The following TRPC4 variants were observed in gnomAD, a reference collection of about 807,000 sequenced individuals.
TRPC4 encodes transient receptor potential cation channel subfamily C member 4.
In TRPC4, 49 loss-of-function variants were observed where a neutral mutation model predicts 99.4. That is an observed-to-expected ratio of 0.49 (90% CI 0.39 to 0.63). TRPC4 has a LOEUF of 0.63. Among genes scored for constraint, TRPC4 ranks in the 20% least tolerant of loss-of-function variants. The probability of loss-of-function intolerance (pLI) is 0.00; values close to 1 mark genes in which losing one functional copy is unlikely to be tolerated. For missense variants in TRPC4, 898 were observed against 1,152.9 expected, an observed-to-expected ratio of 0.78 and a Z score of 3.20; for synonymous variants, 454 against 425.9, an observed-to-expected ratio of 1.07 and a Z score of -0.81.
chr13:37,836,955 A>T (rs1958582766), intron 1 of TRPC4, among the ~76,000 whole-genome samples: 1 of 152,084 alleles, frequency 6.6e-6, no homozygotes, highest in African/African-American at 2.4e-5. Context: ...CAGCCTAGGG[A>T]CTTGGTGACT....
intron 1 of TRPC4, among the ~76,000 whole-genome samples, chr13:37,860,713 C>T (rs1272127000): frequency 6.6e-6 from 1 of 151,332 alleles, no homozygotes; most frequent in African/African-American, 2.4e-5. Flanking sequence ...TATGGAAGTA[C>T]CCTACTATGG....
chr13:37,754,543 A>G (rs757153605), intron 2 of TRPC4, among the ~76,000 whole-genome samples: 4 of 152,164 alleles, frequency 2.6e-5, no homozygotes, highest in African/African-American at 4.8e-5. Flanking sequence ...AGCAAACCAC[A>G]TACTCCAAAC....
chr13:37,721,745 C>T (rs1170880402), intron 3 of TRPC4, among the ~76,000 whole-genome samples: 1 of 152,126 alleles, frequency 6.6e-6, no homozygotes, highest in Non-Finnish European at 1.5e-5. Flanking sequence ...ATATTTCAAT[C>T]TCCTACTGTA....
chr13:37,634,373 C>T lies in TRPC4; in HGVS notation c.*2530G>A, dbSNP rs979109622. 6.6e-6 allele frequency among the ~76,000 whole-genome samples: 1 copy of T among 151,982 alleles called. No individual in the cohort carries two copies. Among genetic ancestry groups the T allele is most frequent in the Admixed American group, 6.6e-5 (1 of 15,224 alleles). ...TCAATTCTAGTGATATTAGTAACATCGGGTACTAATAATATCCAGCACTTT... is the reference window on the plus strand; with the variant it reads ...TCAATTCTAGTGATATTAGTAACATTGGGTACTAATAATATCCAGCACTTT... On this transcript the variant is annotated 3_prime_UTR_variant, in exon 11 of 11. Transcript: ENST00000379705.
chr13:37,786,769 G>A (rs1956981745), intron 1 of TRPC4, among the ~76,000 whole-genome samples: 1 of 152,004 alleles, frequency 6.6e-6, no homozygotes, highest in African/African-American at 2.4e-5. Flanking sequence ...AATGTCTCCT[G>A]TATAACACCA....
intron 3 of TRPC4, among the ~76,000 whole-genome samples, chr13:37,727,007 T>C (rs1955088251): frequency 6.6e-6 from 1 of 152,064 alleles, no homozygotes. Context: ...TTCAATACCC[T>C]CTCTCAAGAG....
intron 6 of TRPC4, among the ~76,000 whole-genome samples, chr13:37,661,195 A>G (rs1053806625): frequency 2.6e-5 from 4 of 152,240 alleles, no homozygotes; most frequent in Admixed American, 1.3e-4. Flanking sequence ...AGTAATACAT[A>G]ATCCCAATAA....
chr13:37,638,937 G>T, intron 10 of TRPC4, 103 bp downstream of exon 10: 1 of 1,207,074 alleles, frequency 8.3e-7, no homozygotes, highest in Non-Finnish European at 1.2e-6. Flanking sequence ...ACACAGGCTT[G>T]CTGGAACACA....
intron 3 of TRPC4, among the ~76,000 whole-genome samples, chr13:37,731,666 G>T (rs1227266605): frequency 6.6e-6 from 1 of 151,984 alleles, no homozygotes; most frequent in Non-Finnish European, 1.5e-5. Context: ...ATGTCAAACT[G>T]TATAAGAGAT....
chr13:37,689,447 T>C (rs1953608169), intron 4 of TRPC4, among the ~76,000 whole-genome samples: 1 of 152,190 alleles, frequency 6.6e-6, no homozygotes, highest in Non-Finnish European at 1.5e-5. Flanking sequence ...CAGATCTCTT[T>C]GATATATAAA....
chr13:37,796,929 A>AAAAAT (rs1193921345), intron 1 of TRPC4, among the ~76,000 whole-genome samples: 1,699 of 41,130 alleles, frequency 0.041, 54 homozygotes, highest in South Asian at 0.048. Context: ...TCCTCTCTAC[A>AAAAAT]AAAATAAAAT....
rs1364732223 is a variant in TRPC4 at position 37,634,942 on chromosome 13, AC to A, written c.*1960del. On this transcript the variant is annotated 3_prime_UTR_variant, in exon 11 of 11. Coordinates refer to ENST00000379705, the MANE Select transcript of TRPC4 (RefSeq NM_016179.4). ...CTGGCCCATTCCTAAATTCCCAAAA[AC>A]CAGGTTTAGGAGTGAACAGGGGCTT... Among the ~76,000 whole-genome samples the A allele has an allele frequency of 6.6e-6, 1 of 152,020 alleles. No individual in the cohort carries two copies. The highest frequency in any genetic ancestry group is 1.5e-5 in the Non-Finnish European group (1 of 67,974).
intron 8 of TRPC4, among the ~76,000 whole-genome samples, chr13:37,650,484 A>G (rs1270198512): frequency 1.3e-5 from 2 of 151,986 alleles, no homozygotes; most frequent in Non-Finnish European, 1.5e-5. Context: ...TGAAACCCTG[A>G]TTTCCAAAAT....
intron 6 of TRPC4, among the ~76,000 whole-genome samples, chr13:37,661,633 C>A (rs1952440261): frequency 6.6e-6 from 1 of 152,192 alleles, no homozygotes; most frequent in South Asian, 2.1e-4. Context: ...TGTGAAAGAG[C>A]ATTCACAAGG....
At chr13:37,768,110 G>A (rs1342101924) in intron 2 of TRPC4, among the ~76,000 whole-genome samples, 2 of 151,454 alleles carry the variant, frequency 1.3e-5, no homozygotes, top group African/African-American at 4.8e-5. Context: ...AACAAATTAA[G>A]GTAAATGAGG....
chr13:37,643,374 A>G (rs1245505536), intron 8 of TRPC4, among the ~76,000 whole-genome samples: 1 of 152,248 alleles, frequency 6.6e-6, no homozygotes, highest in Non-Finnish European at 1.5e-5. Flanking sequence ...AAGACTACAC[A>G]TGAAGGCAAA....
chr13:37,847,028 A>T (rs992902043), intron 1 of TRPC4, among the ~76,000 whole-genome samples: 1 of 152,074 alleles, frequency 6.6e-6, no homozygotes, highest in Non-Finnish European at 1.5e-5. Flanking sequence ...ATATATATGC[A>T]CCCAACATCT....
rs141175439 is a variant in TRPC4, at chr13:37,866,857, G to A, written c.-28+2738C>T. The stretch of plus-strand genomic sequence containing the variant: ...ATGTTTATTTTTTGTGGGGGGGGGC[G>A]GGTATAGGGTATAAATTAGGTGAAA... On this transcript the variant is annotated intron_variant, in intron 1 of 10. Transcript: ENST00000379705. Among the ~76,000 whole-genome samples, 1,320 of 96,948 alleles carry A rather than the reference G, an allele frequency of 0.014. 69 individuals are homozygous for A. The East Asian group carries it at 0.14, about 11-fold the overall frequency. 63.6% of individuals were successfully genotyped at this position (96,948 alleles called of 152,430 possible).
At chr13:37,643,154 T>C (rs1416547442) in intron 8 of TRPC4, among the ~76,000 whole-genome samples, 1 of 152,176 alleles carries the variant, frequency 6.6e-6, no homozygotes, top group East Asian at 1.9e-4. Context: ...TATATTTGGG[T>C]TTGGTTTTCC....
Sources: allele counts gnomAD v4.1 joint callset (sites outside exome capture counted in the v4.1 genomes callset), GRCh38; gene constraint gnomAD v4.1.1; transcripts MANE v1.5; gene names NCBI Gene and HGNC (gene_info 2026-07-23, HGNC 2026-07-21).